The following ZC3H12D variants were observed in gnomAD, a reference collection of about 807,000 sequenced individuals.
ZC3H12D encodes the protein probable ribonuclease ZC3H12D.
ZC3H12D carries 11 observed loss-of-function variants against 24.2 expected under a neutral mutation model. The observed-to-expected ratio is 0.46, with a 90% confidence interval of 0.29 to 0.75. The LOEUF is 0.75. ZC3H12D is among the 30% of genes least tolerant of loss of function. The pLI is 0.11. For synonymous variants in ZC3H12D, 333 were observed against 341.8 expected (o/e 0.97, Z 0.28); for missense variants, 740 against 767.7 (o/e 0.96, Z 0.43).
intron 3 of ZC3H12D, chr6:149,459,735 G>T: frequency 1.4e-6 from 1 of 716,918 alleles, no homozygotes; most frequent in South Asian, 1.5e-5. Flanking sequence ...TGTGGCTGTT[G>T]ACCTCCTAGA....
chr6:149,484,316 G>C (rs1776468434), intron 1 of ZC3H12D, among the ~76,000 whole-genome samples: 1 of 152,212 alleles, frequency 6.6e-6, no homozygotes, highest in Admixed American at 6.5e-5. Context: ...TCCTCTATAA[G>C]AGATGCTACC....
chr6:149,481,751 G>A (rs759700146), intron 1 of ZC3H12D, among the ~76,000 whole-genome samples: 2 of 152,188 alleles, frequency 1.3e-5, no homozygotes, highest in East Asian at 1.9e-4. Context: ...TTCCCTTCCC[G>A]AGGGTGAGGA....
intron 1 of ZC3H12D, among the ~76,000 whole-genome samples, chr6:149,480,865 T>C (rs1776415191): frequency 6.7e-6 from 1 of 148,686 alleles, no homozygotes; most frequent in Non-Finnish European, 1.5e-5. Flanking sequence ...CTCTTCCAAG[T>C]GCGAAGAAGG....
rs1775819468 is a variant in ZC3H12D at position 149,448,230 on chromosome 6, T to C, written c.*2453A>G. Reference sequence around the variant, plus strand: ...CATGAACCTGGGAGGCAGTGGAGCATGTAGTGAGCCAAGATTGCGCCACTG... The same window carrying C: ...CATGAACCTGGGAGGCAGTGGAGCACGTAGTGAGCCAAGATTGCGCCACTG... On this transcript the variant is annotated 3_prime_UTR_variant, in exon 6 of 6. Coordinates refer to ENST00000409806, the MANE Select transcript of ZC3H12D (RefSeq NM_207360.3). 1 of 152,006 alleles carries C rather than the reference T, an allele frequency of 6.6e-6. No individual in the cohort carries two copies. The allele number at this position is 152,006 out of a possible 1,614,324, so 9.4% of individuals were successfully genotyped here.
At chr6:149,459,454 G>A in intron 3 of ZC3H12D, 1 of 609,640 alleles carries the variant, frequency 1.6e-6, no homozygotes, top group East Asian at 2.8e-5. Flanking sequence ...ACAGAAAGCA[G>A]AGAGGATTGT....
chr6:149,477,950 C>T (rs1474780608), intron 1 of ZC3H12D, among the ~76,000 whole-genome samples: 2 of 151,916 alleles, frequency 1.3e-5, no homozygotes, highest in African/African-American at 2.4e-5. Flanking sequence ...GGGCGGATCA[C>T]GAGGTCAGGA....
intron 1 of ZC3H12D, among the ~76,000 whole-genome samples, chr6:149,477,817 G>A (rs1361396363): frequency 6.6e-6 from 1 of 152,202 alleles, no homozygotes; most frequent in African/African-American, 2.4e-5. Flanking sequence ...TGGTTCCCAA[G>A]GTGTGGTCTA....
intron 2 of ZC3H12D, among the ~76,000 whole-genome samples, chr6:149,470,400 T>A (rs1047698566): frequency 1.3e-5 from 2 of 151,730 alleles, no homozygotes; most frequent in African/African-American, 4.8e-5. Context: ...CCAGGTGTAG[T>A]GGCAGGCACC....
chr6:149,471,148 G>A (rs1485226517), intron 2 of ZC3H12D, among the ~76,000 whole-genome samples: 1 of 152,252 alleles, frequency 6.6e-6, no homozygotes. Flanking sequence ...TCTGTAAAAA[G>A]CACTGGGCCA....
At chr6:149,459,774 A>G in intron 3 of ZC3H12D, 1 of 711,956 alleles carries the variant, frequency 1.4e-6, no homozygotes, top group Non-Finnish European at 2.6e-6. Flanking sequence ...TGCCATTGGA[A>G]TAAGTGGTGG....
rs760201038 is a variant in ZC3H12D, at chr6:149,452,714, G to A, written c.689C>T (p.Pro230Leu). The A allele has an allele frequency of 2.1e-5, 34 of 1,602,082 alleles. No individual in the cohort carries two copies. The East Asian group carries it at 2.5e-4, about 12-fold the overall frequency. The change falls in exon 5 of 6, where the codon CCG (proline) becomes CTG (leucine). Residue 230 changes from proline to leucine, a missense_variant. Coordinates refer to ENST00000409806, the MANE Select transcript of ZC3H12D (RefSeq NM_207360.3). The surrounding 1 kb of genome is among the most constrained non-coding windows in gnomAD (Gnocchi z 4.0). ...MFSFVNDRFM[P>L]PDDPLGRHGP... Reference sequence around the variant, plus strand: ...ATGGCGGCCCAGGGGGTCATCAGGCGGCATGAACCTGGAAAATAAGCACAG... The same window carrying A: ...ATGGCGGCCCAGGGGGTCATCAGGCAGCATGAACCTGGAAAATAAGCACAG...
At chr6:149,480,629 A>C (rs970416981) in intron 1 of ZC3H12D, among the ~76,000 whole-genome samples, 1 of 152,210 alleles carries the variant, frequency 6.6e-6, no homozygotes, top group East Asian at 1.9e-4. Context: ...CCAGCTACTC[A>C]GGAGACTGAG....
chr6:149,456,609 G>GT lies in ZC3H12D; in HGVS notation c.680+56_680+57insA. Reference sequence around the variant, plus strand: ...TGGTAGCAGGCGTGGCCACTGCCTCGACCCCGGCCCCCCGCCCCGCCGCCC... The same window carrying GT: ...TGGTAGCAGGCGTGGCCACTGCCTCGTACCCCGGCCCCCCGCCCCGCCGCCC... On this transcript the variant is annotated intron_variant, in intron 4 of 5. Coordinates refer to ENST00000409806, the MANE Select transcript of ZC3H12D (RefSeq NM_207360.3). This position sits in a 1 kb window ranked among gnomAD's most constrained non-coding sequence, Gnocchi z 4.3. The GT allele has an allele frequency of 7.5e-5, 104 of 1,384,702 alleles. No homozygotes were observed. Among genetic ancestry groups the GT allele is most frequent in the Non-Finnish European group, 9.2e-5 (92 of 1,001,426 alleles). 85.8% of individuals were successfully genotyped at this position (1,384,702 alleles called of 1,614,324 possible).
At chr6:149,459,507 G>A (rs958729559) in intron 3 of ZC3H12D, 20 of 702,118 alleles carry the variant, frequency 2.8e-5, no homozygotes, top group Middle Eastern at 3.1e-4. Context: ...CAGAATATGC[G>A]CAGAAGGCTG....
intron 2 of ZC3H12D, among the ~76,000 whole-genome samples, chr6:149,465,408 C>T (rs1362055489): frequency 6.6e-6 from 1 of 150,658 alleles, no homozygotes. Context: ...TGAGGCTGAA[C>T]TCTGAGGCTT....
rs1231039189 is a variant in ZC3H12D at position 149,459,480 on chromosome 6, T to C, written c.445+2351A>G. ...AGAGGATTGTATTGATTGTGCAGCATGGAGGGAACCACAGCCCAGAATATG... is the reference window on the plus strand; with the variant it reads ...AGAGGATTGTATTGATTGTGCAGCACGGAGGGAACCACAGCCCAGAATATG... On this transcript the variant is annotated intron_variant, in intron 3 of 5. Transcript: ENST00000409806. 4.5e-6 allele frequency: 3 copies of C among 667,786 alleles called. No homozygotes were observed. The African/African-American group carries it at 5.4e-5, about 12-fold the overall frequency. The allele number at this position is 667,786 out of a possible 1,614,324, so 41.4% of individuals were successfully genotyped here. A position where few individuals can be genotyped will look rare whatever the true frequency, so the allele number is the denominator to read the frequency against.
chr6:149,448,082 G>T lies in ZC3H12D; in HGVS notation c.*2601C>A, dbSNP rs1382554129. 2 of 152,226 alleles carry T rather than the reference G, an allele frequency of 1.3e-5. No homozygotes were observed. Among genetic ancestry groups the T allele is most frequent in the African/African-American group, 4.8e-5 (2 of 41,436 alleles). 9.4% of individuals were successfully genotyped at this position (152,226 alleles called of 1,614,324 possible). Reference sequence around the variant, plus strand: ...TGAGGCGGGGATCACAAGGTCAGGAGATCGAGACCATCCTGGCTAACACGG... The same window carrying T: ...TGAGGCGGGGATCACAAGGTCAGGATATCGAGACCATCCTGGCTAACACGG... On this transcript the variant is annotated 3_prime_UTR_variant, in exon 6 of 6. Coordinates refer to ENST00000409806, the MANE Select transcript of ZC3H12D (RefSeq NM_207360.3).
intron 3 of ZC3H12D, among the ~76,000 whole-genome samples, chr6:149,461,096 A>G (rs1225469989): frequency 6.6e-6 from 1 of 152,222 alleles, no homozygotes; most frequent in Non-Finnish European, 1.5e-5. Context: ...TAATCCCAGC[A>G]CTTTGGGAGT....
chr6:149,484,554 A>G (rs972409401), intron 1 of ZC3H12D, among the ~76,000 whole-genome samples: 8 of 152,256 alleles, frequency 5.3e-5, no homozygotes, highest in Admixed American at 3.3e-4. Context: ...TCTGGAAATT[A>G]AGCACAATTT....
Sources: allele counts gnomAD v4.1 joint callset (sites outside exome capture counted in the v4.1 genomes callset), GRCh38; gene constraint gnomAD v4.1.1; non-coding constraint Gnocchi (gnomAD v3.1); transcripts MANE v1.5; gene names NCBI Gene and HGNC (gene_info 2026-07-23, HGNC 2026-07-21).